PRRX2: variants seen among roughly 807,000 people sequenced by gnomAD.
PRRX2 encodes the protein paired mesoderm homeobox protein 2.
Under a neutral mutation model 18.0 loss-of-function variants are expected in PRRX2, and 11 were observed. The ratio of observed to expected loss-of-function variants is 0.61; its 90% confidence interval spans 0.39 to 1.01. The LOEUF (loss-of-function observed/expected upper bound fraction) is 1.01, where lower values mean the gene tolerates loss of function less well. Ranked by LOEUF, PRRX2 falls within the 50% of genes least tolerant of loss-of-function variation. The pLI is 0.01. For missense variants in PRRX2, 387 were observed against 351.0 expected (o/e 1.10, Z -0.82); for synonymous variants, 177 against 154.8 (o/e 1.14, Z -1.06).
intron 1 of PRRX2, among the ~76,000 whole-genome samples, chr9:129,687,806 G>C (rs1164550019): frequency 6.6e-6 from 1 of 152,222 alleles, no homozygotes; most frequent in Non-Finnish European, 1.5e-5. Flanking sequence ...GCAGGCCTAG[G>C]CAGGCAGCAT....
chr9:129,691,625 A>G (rs1422087265), intron 1 of PRRX2, among the ~76,000 whole-genome samples: 1 of 151,696 alleles, frequency 6.6e-6, no homozygotes, highest in Non-Finnish European at 1.5e-5. Context: ...CTCCTCCCCC[A>G]CAGAGAGCCA....
rs1382194556 is a variant in PRRX2, at chr9:129,719,427, T to C, written c.447+9T>C. Reference sequence around the variant, plus strand: ...GCGAGGCGCGCGTTCAGGTGAGCGCTCAGTCCCGGGCCTCCCGTGGGAGCG... The same window carrying C: ...GCGAGGCGCGCGTTCAGGTGAGCGCCCAGTCCCGGGCCTCCCGTGGGAGCG... On this transcript the variant is annotated intron_variant, in intron 2 of 3. Transcript: ENST00000372469. The C allele has an allele frequency of 2.0e-6, 3 of 1,516,420 alleles. No homozygotes were observed. In the Admixed American group the frequency reaches 6.2e-5, roughly 31 times the overall value. 93.9% of individuals were successfully genotyped at this position (1,516,420 alleles called of 1,614,324 possible).
At chr9:129,672,595 G>A (rs1385918168) in intron 1 of PRRX2, among the ~76,000 whole-genome samples, 1 of 151,386 alleles carries the variant, frequency 6.6e-6, no homozygotes. Context: ...GAGGTGGCCC[G>A]GGGTTGGGGG....
At chr9:129,707,756 A>G (rs922413416) in intron 1 of PRRX2, among the ~76,000 whole-genome samples, 2 of 149,414 alleles carry the variant, frequency 1.3e-5, no homozygotes, top group Admixed American at 6.7e-5. Context: ...GTGCCACTGC[A>G]CTCCAGCCTG....
intron 1 of PRRX2, among the ~76,000 whole-genome samples, chr9:129,673,713 C>T (rs1283322022): frequency 3.3e-5 from 5 of 152,104 alleles, no homozygotes. Context: ...AGGGCTCCAG[C>T]CCGGCCCCCT....
At chr9:129,722,179 A>G (rs1285269149) in intron 3 of PRRX2, 38 bp from the exon 4 acceptor site, 27 of 1,599,372 alleles carry the variant, frequency 1.7e-5, no homozygotes, top group Non-Finnish European at 2.1e-5. Context: ...CCAGAAGCCA[A>G]CCGCACCCAT....
intron 1 of PRRX2, among the ~76,000 whole-genome samples, chr9:129,689,458 G>A (rs1488811142): frequency 6.6e-6 from 1 of 152,206 alleles, no homozygotes; most frequent in Non-Finnish European, 1.5e-5. Context: ...CACTGTGCGT[G>A]TTTGCTTGAG....
At chr9:129,719,464 G>T in intron 2 of PRRX2, 46 bp downstream of exon 2, 10 of 1,445,948 alleles carry the variant, frequency 6.9e-6, no homozygotes, top group Non-Finnish European at 8.2e-6. Context: ...GCGCGTGGGA[G>T]CGCACAGCCA....
chr9:129,720,306 C>T (rs1206096069), intron 2 of PRRX2, among the ~76,000 whole-genome samples: 1 of 152,072 alleles, frequency 6.6e-6, no homozygotes, highest in Non-Finnish European at 1.5e-5. Flanking sequence ...GCGCCTTTCC[C>T]CGCGAGTGCT....
chr9:129,667,670 C>G (rs1252128619), intron 1 of PRRX2, among the ~76,000 whole-genome samples: 2 of 152,190 alleles, frequency 1.3e-5, no homozygotes, highest in East Asian at 3.9e-4. Flanking sequence ...CAGGGGACGG[C>G]CTGCCCATTT....
chr9:129,708,015 C>T (rs62584063), intron 1 of PRRX2, among the ~76,000 whole-genome samples: 40,474 of 152,016 alleles, frequency 0.27, 7,106 homozygotes, highest in Non-Finnish European at 0.37. Flanking sequence ...CACTTCCTGG[C>T]CAGCACTTGG....
At chr9:129,707,511 C>T (rs1000029259) in intron 1 of PRRX2, among the ~76,000 whole-genome samples, 3 of 151,888 alleles carry the variant, frequency 2.0e-5, no homozygotes, top group Non-Finnish European at 2.9e-5. Flanking sequence ...TATGGCCGGG[C>T]GCGGTGGCTC....
At chr9:129,687,307 G>A (rs895851531) in intron 1 of PRRX2, among the ~76,000 whole-genome samples, 3 of 152,180 alleles carry the variant, frequency 2.0e-5, no homozygotes, top group Non-Finnish European at 4.4e-5. Context: ...AAGTGGCCTC[G>A]AGGCCTGGCA....
chr9:129,677,011 A>C (rs1423081280), intron 1 of PRRX2, among the ~76,000 whole-genome samples: 1 of 152,086 alleles, frequency 6.6e-6, no homozygotes. Context: ...GTGCCTCCCC[A>C]CTTGCCACCA....
chr9:129,717,758 G>A (rs1020673763), intron 1 of PRRX2, among the ~76,000 whole-genome samples: 3 of 151,828 alleles, frequency 2.0e-5, no homozygotes, highest in African/African-American at 7.3e-5. Flanking sequence ...GGATAGGGGA[G>A]GGGAGAGTAT....
At chr9:129,684,522 ACC>A (rs57719565) in intron 1 of PRRX2, among the ~76,000 whole-genome samples, 1,406 of 39,624 alleles carry the variant, frequency 0.035, 32 homozygotes, top group African/African-American at 0.082. Context: ...ACACACACAC[ACC>A]CACACACACC....
chr9:129,715,429 A>G lies in PRRX2; in HGVS notation c.260-3802A>G, dbSNP rs1832691709. Among the ~76,000 whole-genome samples, 1 of 152,070 alleles carries G rather than the reference A, an allele frequency of 6.6e-6. No individual in the cohort carries two copies. The highest frequency in any genetic ancestry group is 1.5e-5 in the Non-Finnish European group (1 of 68,010). ...CAACATAGTAAGACCTCATCTCTAC[A>G]TTAAAATAAAAATCAGCTGGGCATG... is the stretch of plus-strand genomic sequence containing the variant. On this transcript the variant is annotated intron_variant, in intron 1 of 3. Coordinates refer to ENST00000372469, the MANE Select transcript of PRRX2 (RefSeq NM_016307.4). The surrounding 1 kb of genome is among the most constrained non-coding windows in gnomAD (Gnocchi z 4.0).
chr9:129,667,133 G>A lies in PRRX2; in HGVS notation c.259+1007G>A, dbSNP rs976397993. 8.4e-5 allele frequency among the ~76,000 whole-genome samples: 11 copies of A among 130,652 alleles called. No individual in the cohort carries two copies. In the South Asian group the frequency reaches 2.4e-3, roughly 28 times the overall value. 85.7% of individuals were successfully genotyped at this position (130,652 alleles called of 152,430 possible). ...CATGTGCGTCCACGAGGACGCCTGC[G>A]ACACGCCTGCCTTTCACGGGGCACC... On this transcript the variant is annotated intron_variant, in intron 1 of 3. Coordinates refer to ENST00000372469, the MANE Select transcript of PRRX2 (RefSeq NM_016307.4).
In PRRX2 at chr9:129,720,617, G is replaced by T. The variant is rs1014263967; in HGVS notation, c.469G>T (p.Ala157Ser). 6.2e-7 allele frequency: 1 copy of T among 1,611,250 alleles called. No individual in the cohort carries two copies. The highest frequency in any genetic ancestry group is 1.7e-5 in the Admixed American group (1 of 59,758). The part of the protein sequence containing the change: ...RVQVWFQNRR[A>S]KFRRNERAML... ...ACAGGTCTGGTTTCAGAACCGCCGC[G>T]CCAAGTTCCGCAGGAATGAAAGGGC... is the stretch of plus-strand genomic sequence containing the variant. Residue 157 changes from alanine (A) to serine (S), a missense_variant, in exon 3 of 4, where the codon GCC (alanine) becomes TCC (serine). Physicochemically the swap from Ala to Ser is moderately conservative, Grantham distance 99. Coordinates refer to ENST00000372469, the MANE Select transcript of PRRX2 (RefSeq NM_016307.4).
Sources: allele counts gnomAD v4.1 joint callset (sites outside exome capture counted in the v4.1 genomes callset), GRCh38; gene constraint gnomAD v4.1.1; non-coding constraint Gnocchi (gnomAD v3.1); transcripts MANE v1.5; gene names NCBI Gene and HGNC (gene_info 2026-07-23, HGNC 2026-07-21).